The following RIF1 variants were observed in gnomAD, a reference collection of about 807,000 sequenced individuals.
The protein encoded by RIF1 is telomere-associated protein RIF1.
RIF1 carries 45 observed loss-of-function variants against 247.1 expected under a neutral mutation model. That is an observed-to-expected ratio of 0.18 (90% CI 0.14 to 0.23). RIF1 has a LOEUF of 0.23. RIF1 is among the 10% of genes least tolerant of loss of function. The pLI is 1.00. For missense variants in RIF1, 2,967 were observed against 2,862.5 expected (o/e 1.04, Z -0.83); for synonymous variants, 1,087 against 978.8 (o/e 1.11, Z -2.06).
chr2:151,453,827 C>T (rs1364825155), intron 21 of RIF1, among the ~76,000 whole-genome samples: 1 of 152,158 alleles, frequency 6.6e-6, no homozygotes, highest in African/African-American at 2.4e-5. Flanking sequence ...TACTGTGGCA[C>T]AATTATTGCT....
chr2:151,443,532 C>A lies in RIF1; in HGVS notation c.1809C>A (p.Phe603Leu), dbSNP rs766258911. Residue 603 changes from phenylalanine to leucine, a missense_variant, in exon 18 of 36, where the codon TTC (phenylalanine) becomes TTA (leucine). Coordinates refer to ENST00000444746, the MANE Select transcript of RIF1 (RefSeq NM_018151.5). Reference protein sequence around the residue: ...FLECGVSDERFFLSLESLVGC... With the variant: ...FLECGVSDERLFLSLESLVGC... ...TTTTTTATAATTTTTTGTTCAGGTT[C>A]TTTCTCAGTTTGGAATCACTTGTAG... 1.3e-5 allele frequency: 20 copies of A among 1,563,262 alleles called. No homozygotes were observed. The South Asian group carries it at 2.3e-4, about 18-fold the overall frequency.
Position 151,464,829 on chromosome 2 carries a change from C to G in RIF1, c.5309C>G (p.Pro1770Arg). The change falls in exon 30 of 36, where the codon CCT (proline) becomes CGT (arginine). Residue 1770 changes from proline (P) to arginine (R), a missense_variant. Pro to Arg is a moderately radical substitution (Grantham distance 103). Transcript: ENST00000444746. Reference sequence around the variant, plus strand: ...ACAAAAAAGGCAGATGTGCAAGCACCTGTAAGCCCATCAGAAACTTCTCAA... The same window carrying G: ...ACAAAAAAGGCAGATGTGCAAGCACGTGTAAGCCCATCAGAAACTTCTCAA... ...SETKKADVQAPVSPSETSQAN... is the reference protein window; with the variant it reads ...SETKKADVQARVSPSETSQAN... 2 of 1,611,774 alleles carry G rather than the reference C, an allele frequency of 1.2e-6. No individual in the cohort carries two copies.
intron 5 of RIF1, 57 bp downstream of exon 5, chr2:151,416,745 T>A: frequency 6.2e-7 from 1 of 1,601,552 alleles, no homozygotes; most frequent in Non-Finnish European, 8.5e-7. Flanking sequence ...AAGAAAAAAC[T>A]ATAATGCCAA....
At chr2:151,498,019 T>G in intron 10 of RIF1, 1 of 1,439,002 alleles carries the variant, frequency 6.9e-7, no homozygotes, top group Non-Finnish European at 9.1e-7. Flanking sequence ...TAGAACTCGG[T>G]GTTGTTATCC....
intron 23 of RIF1, among the ~76,000 whole-genome samples, chr2:151,457,551 A>G (rs1695413017): frequency 6.6e-6 from 1 of 152,006 alleles, no homozygotes; most frequent in African/African-American, 2.4e-5. Flanking sequence ...TCTTTTGTTA[A>G]TAGAAAATAA....
intron 3 of RIF1, among the ~76,000 whole-genome samples, chr2:151,414,167 A>G (rs1211824852): frequency 6.6e-6 from 1 of 151,956 alleles, no homozygotes; most frequent in Non-Finnish European, 1.5e-5. Context: ...ACAAAAATAT[A>G]GGCATGGTGG....
At chr2:151,494,767 G>A (rs2059038354) in intron 9 of RIF1, among the ~76,000 whole-genome samples, 1 of 152,158 alleles carries the variant, frequency 6.6e-6, no homozygotes, top group Admixed American at 6.5e-5. Flanking sequence ...TTCTGCCTCA[G>A]CCTCCTGAGT....
Position 151,416,856 on chromosome 2 carries a change from C to A in RIF1, c.458C>A (p.Thr153Lys). 6.2e-7 allele frequency: 1 copy of A among 1,612,748 alleles called. No homozygotes were observed. Among genetic ancestry groups the A allele is most frequent in the South Asian group, 1.1e-5 (1 of 90,874 alleles). The change falls in exon 6 of 36, where the codon ACG (threonine) becomes AAG (lysine). Residue 153 changes from threonine (T) to lysine (K), a missense_variant. Physicochemically the swap from Thr to Lys is moderately conservative, Grantham distance 78. This residue lies in a region of RIF1 where 269 missense variants were observed against 288.6 expected (regional missense o/e 0.93). Coordinates refer to ENST00000444746, the MANE Select transcript of RIF1 (RefSeq NM_018151.5). ...SLEILFNKGE[T>K]HSAVVDFEAL... ...GAAATACTGTTTAACAAAGGAGAGA[C>A]GCATTCTGCTGTTGTTGATTTTGAA...
At chr2:151,511,129 C>G (rs2073953855), downstream of RIF1, among the ~76,000 whole-genome samples, 1 of 152,226 alleles carries the variant, frequency 6.6e-6, no homozygotes. Context: ...CGTTAAAGAT[C>G]AGCAGTGTCA....
At chr2:151,493,754 T>A (rs778071855) in intron 9 of RIF1, 9 of 1,493,308 alleles carry the variant, frequency 6.0e-6, no homozygotes, top group Admixed American at 2.0e-5. Context: ...TTTAAGGATT[T>A]ATTTTTCCTT....
chr2:151,420,083 A>G (rs1687916130), intron 6 of RIF1, 107 bp from the exon 7 acceptor site: 1 of 893,618 alleles, frequency 1.1e-6, no homozygotes, highest in South Asian at 2.1e-5. Flanking sequence ...TATATATTCT[A>G]AAACAAATGG....
At chr2:151,417,010 C>A (rs142451986) in intron 6 of RIF1, 109 bp downstream of exon 6, 3,190 of 634,018 alleles carry the variant, frequency 5.0e-3, no homozygotes, top group Middle Eastern at 7.1e-3. Context: ...GGGGGAATGT[C>A]ATTTACACCA....
chr2:151,501,740 C>CTCTCAAAGACCAGAGTATCAAATAGCAT (rs1403141026), intron 11 of RIF1, among the ~76,000 whole-genome samples: 28 of 152,084 alleles, frequency 1.8e-4, no homozygotes, highest in Non-Finnish European at 3.4e-4. Flanking sequence ...TGTAGGCCTT[C>CTCTCAAAGACCAGAGTATCAAATAGCAT]TCTCAAAGAC....
intron 10 of RIF1, among the ~76,000 whole-genome samples, chr2:151,433,722 T>A (rs1690610367): frequency 6.6e-6 from 1 of 152,102 alleles, no homozygotes; most frequent in African/African-American, 2.4e-5. Context: ...CCCAAAATGC[T>A]GGGATTACAG....
At position 151,506,733 on chromosome 2, in the gene RIF1, A is replaced by G. The variant is rs971573799; in HGVS notation, c.*1027+358A>G. On this transcript the variant is annotated intron_variant and NMD_transcript_variant, in intron 13 of 13. Coordinates refer to the RIF1 transcript ENST00000454583. ...TGTTAGCAGATTTAAAGTTATTTCA[A>G]ATGGTCTCTGGAGATGATTTTGGAG... 1.1e-4 allele frequency among the ~76,000 whole-genome samples: 16 copies of G among 152,118 alleles called. 1 individual carries two copies. The highest frequency in any genetic ancestry group is 3.1e-4 in the African/African-American group (13 of 41,458).
Position 151,463,699 on chromosome 2 carries a change from A to T in RIF1, c.4179A>T (p.Ile1393=). Residue 1393 remains isoleucine, a synonymous_variant, in exon 30 of 36, where the codon ATA becomes ATT. Coordinates refer to ENST00000444746, the MANE Select transcript of RIF1 (RefSeq NM_018151.5). Reference sequence around the variant, plus strand: ...AAGAGAATACACCCCCAGTAGTAATATCAGCAGATCAAATGGTAAATGAGG... The same window carrying T: ...AAGAGAATACACCCCCAGTAGTAATTTCAGCAGATCAAATGGTAAATGAGG... ...ESKENTPPVV[I]SADQMVNEDS... 2 of 1,613,990 alleles carry T rather than the reference A, an allele frequency of 1.2e-6. No individual in the cohort carries two copies. Among genetic ancestry groups the T allele is most frequent in the Non-Finnish European group, 1.7e-6 (2 of 1,179,936 alleles).
In RIF1 at chr2:151,465,614, G is replaced by A; in HGVS notation, c.6094G>A (p.Glu2032Lys). 1 of 1,613,974 alleles carries A rather than the reference G, an allele frequency of 6.2e-7. No homozygotes were observed. Among genetic ancestry groups the A allele is most frequent in the Non-Finnish European group, 8.5e-7 (1 of 1,179,908 alleles). ...AATGATGATCGGCGAGGCAATGGCT[G>A]AAACTGGCCATGATGGTGAAACAGA... is the stretch of plus-strand genomic sequence containing the variant. The part of the protein sequence containing the change: ...EEMMIGEAMA[E>K]TGHDGETENE... Residue 2032 changes from glutamate (E) to lysine (K), a missense_variant, in exon 30 of 36, where the codon GAA becomes AAA. Glu to Lys is a moderately conservative substitution (Grantham distance 56, BLOSUM62 1). This residue lies in a region of RIF1 where 2,028 missense variants were observed against 1,825.6 expected (regional missense o/e 1.11). Coordinates refer to ENST00000444746, the MANE Select transcript of RIF1 (RefSeq NM_018151.5).
Position 151,436,957 on chromosome 2 carries a change from A to G in RIF1, c.1326A>G (p.Pro442=), listed in dbSNP as rs780719513. ...LEMLLHFLLG[P]EALSFAKQNK... is the part of the protein sequence containing the mutation. ...TGTTGCTTCATTTCTTGTTGGGTCC[A>G]GAAGCCTTGAGTTTTGCTAAGCAAA... Residue 442 remains proline (P), a synonymous_variant, in exon 12 of 36, where the codon CCA becomes CCG. Coordinates refer to ENST00000444746, the MANE Select transcript of RIF1 (RefSeq NM_018151.5). 6.2e-7 allele frequency: 1 copy of G among 1,614,058 alleles called. No individual in the cohort carries two copies. Among genetic ancestry groups the G allele is most frequent in the Non-Finnish European group, 8.5e-7 (1 of 1,179,984 alleles).
rs1161160388 is a variant in RIF1, at chr2:151,490,303, C to T, written c.*416-4926C>T. 8.6e-6 allele frequency: 13 copies of T among 1,518,610 alleles called. No individual in the cohort carries two copies. The African/African-American group carries it at 1.7e-4, about 19-fold the overall frequency. 94.1% of individuals were successfully genotyped at this position (1,518,610 alleles called of 1,614,324 possible). The stretch of plus-strand genomic sequence containing the variant: ...TTTAAATTTGTTTTTGTACTCAAAG[C>T]ATCTCTTATAGTAACCATCAATGAG... On this transcript the variant is annotated intron_variant and NMD_transcript_variant, in intron 9 of 13. Coordinates refer to the RIF1 transcript ENST00000454583.
Sources: allele counts gnomAD v4.1 joint callset (sites outside exome capture counted in the v4.1 genomes callset), GRCh38; gene constraint gnomAD v4.1.1; regional missense constraint gnomAD v4.1.1; transcripts MANE v1.5; gene names NCBI Gene and HGNC (gene_info 2026-07-23, HGNC 2026-07-21).